Variants in HOMER1 observed in about 807,000 individuals in gnomAD.
HOMER1 encodes homer protein homolog 1.
HOMER1 carries 3 observed loss-of-function variants against 48.9 expected under a neutral mutation model. That is an observed-to-expected ratio of 0.06 (90% confidence interval 0.03 to 0.16). The LOEUF (loss-of-function observed/expected upper bound fraction) is 0.16, where lower values mean the gene tolerates loss of function less well. Among genes scored for constraint, HOMER1 ranks in the 10% least tolerant of loss-of-function variants. The pLI, the probability that HOMER1 is intolerant of heterozygous loss-of-function variation, is 1.00. For synonymous variants in HOMER1, 134 were observed against 146.4 expected (o/e 0.92, Z 0.61); for missense variants, 247 against 411.4 (o/e 0.60, Z 3.46).
intron 6 of HOMER1, among the ~76,000 whole-genome samples, chr5:79,398,203 CTT>C (rs1187127152): frequency 6.6e-6 from 1 of 151,980 alleles, no homozygotes; most frequent in Non-Finnish European, 1.5e-5. Context: ...AGTAATATAA[CTT>C]TTAATGAGCA....
chr5:79,402,168 CTTTTTTTT>C, intron 5 of HOMER1, 113 bp from the exon 6 acceptor site: 1 of 657,612 alleles, frequency 1.5e-6, no homozygotes, highest in Non-Finnish European at 2.3e-6. Context: ...GTTTTCTTTT[CTTTTTTTT>C]TTTTTTTGAG....
In HOMER1 at chr5:79,513,149, G is replaced by A. The variant is rs1752989165; in HGVS notation, c.-375C>T. On this transcript the variant is annotated 5_prime_UTR_variant, in exon 1 of 9. Coordinates refer to ENST00000334082, the MANE Select transcript of HOMER1 (RefSeq NM_004272.5). ...ACTCATGTCCTCCTCGACACTCAGG[G>A]AGAGCCAGGTAACTCGGCCTTTTCG... The A allele has an allele frequency of 4.5e-6, 1 of 221,576 alleles. No homozygotes were observed. Among genetic ancestry groups the A allele is most frequent in the Non-Finnish European group, 8.9e-6 (1 of 112,802 alleles). 13.7% of individuals were successfully genotyped at this position (221,576 alleles called of 1,614,324 possible).
At chr5:79,499,576 T>C (rs1197212710) in intron 1 of HOMER1, among the ~76,000 whole-genome samples, 4 of 152,196 alleles carry the variant, frequency 2.6e-5, no homozygotes, top group Non-Finnish European at 2.9e-5. Flanking sequence ...AAAGGCATTA[T>C]GAGTGCATAA....
At position 79,391,453 on chromosome 5, in the gene HOMER1, G is replaced by GA. The variant is rs111525802; in HGVS notation, c.876+5369dup. Among the ~76,000 whole-genome samples the GA allele has an allele frequency of 5.0e-3, 740 of 146,586 alleles. 7 individuals carry two copies. The highest frequency in any genetic ancestry group is 0.017 in the African/African-American group (697 of 40,206). Reference sequence around the variant, plus strand: ...CCAAAATCTTTTTTTTTTTATGTATGAAAAAAAAAGGCCAGGTGCAGTGGC... The same window carrying GA: ...CCAAAATCTTTTTTTTTTTATGTATGAAAAAAAAAAGGCCAGGTGCAGTGGC... On this transcript the variant is annotated intron_variant, in intron 8 of 8. Coordinates refer to ENST00000334082, the MANE Select transcript of HOMER1 (RefSeq NM_004272.5).
chr5:79,499,677 G>A (rs567305841), intron 1 of HOMER1, among the ~76,000 whole-genome samples: 1 of 151,844 alleles, frequency 6.6e-6, no homozygotes, highest in Admixed American at 6.6e-5. Flanking sequence ...TCAAAACATA[G>A]GCAAAAAACT....
intron 8 of HOMER1, among the ~76,000 whole-genome samples, chr5:79,385,784 A>G (rs1749093090): frequency 7.3e-6 from 1 of 137,640 alleles, no homozygotes; most frequent in African/African-American, 2.7e-5. Flanking sequence ...CGGAGCTTGC[A>G]GTGAGCCGAG....
intron 5 of HOMER1, among the ~76,000 whole-genome samples, chr5:79,424,767 G>A (rs1321069786): frequency 6.6e-6 from 1 of 152,056 alleles, no homozygotes; most frequent in African/African-American, 2.4e-5. Context: ...AGTCCAGGAA[G>A]ATCAGGTTGC....
intron 1 of HOMER1, among the ~76,000 whole-genome samples, chr5:79,462,107 G>A (rs768753508): frequency 3.9e-5 from 6 of 152,090 alleles, no homozygotes; most frequent in Non-Finnish European, 7.3e-5. Flanking sequence ...GCTGCGGCAG[G>A]AGAATCACTT....
chr5:79,402,358 C>T (rs1041488742), intron 5 of HOMER1, among the ~76,000 whole-genome samples: 6 of 151,978 alleles, frequency 3.9e-5, no homozygotes, highest in Middle Eastern at 3.4e-3. Context: ...TTAGTACAGA[C>T]GGGGTTTCCC....
At chr5:79,414,335 T>C (rs1340591264) in intron 5 of HOMER1, among the ~76,000 whole-genome samples, 2 of 151,718 alleles carry the variant, frequency 1.3e-5, no homozygotes, top group African/African-American at 4.8e-5. Flanking sequence ...ACTCAAGCGA[T>C]CCACCCTCCT....
rs369061932 is a variant in HOMER1 at position 79,433,492 on chromosome 5, C to T, written c.527+5518G>A. ...CTGAGACAGGAGAATGGCTTGAACC[C>T]GGGAGGTGGAGGTCGCAGTGAGCTG... On this transcript the variant is annotated intron_variant, in intron 5 of 8. Transcript: ENST00000334082. Among the ~76,000 whole-genome samples the T allele has an allele frequency of 5.9e-5, 9 of 152,036 alleles. No homozygotes were observed. In the South Asian group the frequency reaches 1.9e-3, roughly 31 times the overall value.
At chr5:79,423,408 C>G (rs980720201) in intron 5 of HOMER1, among the ~76,000 whole-genome samples, 1 of 152,180 alleles carries the variant, frequency 6.6e-6, no homozygotes, top group Non-Finnish European at 1.5e-5. Flanking sequence ...TATGCGGTCT[C>G]TTGTGCTAAT....
intron 8 of HOMER1, among the ~76,000 whole-genome samples, chr5:79,394,749 T>C (rs909156606): frequency 6.6e-6 from 1 of 152,304 alleles, no homozygotes; most frequent in African/African-American, 2.4e-5. Context: ...TTTCATTTTT[T>C]TGTAGATGCA....
chr5:79,501,295 TC>T (rs1262484707), intron 1 of HOMER1, among the ~76,000 whole-genome samples: 1 of 152,184 alleles, frequency 6.6e-6, no homozygotes, highest in Non-Finnish European at 1.5e-5. Context: ...CACTTTCTTT[TC>T]TTTAGCTTAC....
Position 79,396,822 on chromosome 5 carries a change from C to T in HOMER1, c.876+1G>A. ...GAATAACAATTTTTACTACAGCTCA[C>T]CTGTAGTTTCTGAGTCAAAGAATCC... is the stretch of plus-strand genomic sequence containing the variant. On this transcript the variant is annotated splice_donor_variant, in intron 8 of 8. Transcript: ENST00000334082. LOFTEE classifies it high-confidence loss of function. 2 of 1,561,518 alleles carry T rather than the reference C, an allele frequency of 1.3e-6. No individual in the cohort carries two copies. The highest frequency in any genetic ancestry group is 1.8e-6 in the Non-Finnish European group (2 of 1,134,634).
At chr5:79,502,530 TTA>T (rs1752624986) in intron 1 of HOMER1, among the ~76,000 whole-genome samples, 3 of 152,192 alleles carry the variant, frequency 2.0e-5, no homozygotes, top group African/African-American at 7.2e-5. Context: ...GGTAGCGCTT[TTA>T]TGAGTCTCTT....
At chr5:79,488,653 T>C (rs1016892579) in intron 1 of HOMER1, among the ~76,000 whole-genome samples, 1 of 152,218 alleles carries the variant, frequency 6.6e-6, no homozygotes, top group South Asian at 2.1e-4. Flanking sequence ...ACATAGGTAA[T>C]AGAGCTATTT....
intron 5 of HOMER1, among the ~76,000 whole-genome samples, chr5:79,416,416 C>G (rs1459323766): frequency 6.6e-6 from 1 of 152,190 alleles, no homozygotes; most frequent in African/African-American, 2.4e-5. Flanking sequence ...TAAAAACACT[C>G]TGTACTTTAG....
At chr5:79,439,420 AAC>A (rs937897167) in intron 4 of HOMER1, among the ~76,000 whole-genome samples, 2 of 152,230 alleles carry the variant, frequency 1.3e-5, no homozygotes, top group Admixed American at 1.3e-4. Context: ...ACAATTTAGA[AAC>A]AGTTTCGAAT....
Sources: gnomAD v4.1 joint callset for allele counts (sites outside exome capture counted in the v4.1 genomes callset) on GRCh38, gnomAD v4.1.1 for gene constraint, MANE v1.5 for transcripts, NCBI Gene and HGNC (gene_info 2026-07-23, HGNC 2026-07-21) for gene names.